The following TTC6 variants were observed in gnomAD, a reference collection of about 807,000 sequenced individuals.
TTC6 encodes tetratricopeptide repeat domain 6.
TTC6 carries 172 observed loss-of-function variants against 210.4 expected under a neutral mutation model. That is an observed-to-expected ratio of 0.82 (90% CI 0.72 to 0.93). The LOEUF (loss-of-function observed/expected upper bound fraction) is 0.93, where lower values mean the gene tolerates loss of function less well. Ranked by LOEUF, TTC6 falls within the 40% of genes least tolerant of loss-of-function variation. The pLI, the probability that TTC6 is intolerant of heterozygous loss-of-function variation, is 0.00. For missense variants in TTC6, 2,414 were observed against 2,318.1 expected (o/e 1.04, Z -0.85); for synonymous variants, 804 against 819.6 (o/e 0.98, Z 0.32).
At chr14:37,696,769 G>A (rs1039397205) in exon 4 of TTC6, 18 of 1,457,730 alleles carry the variant, frequency 1.2e-5, no homozygotes, top group South Asian at 2.9e-5. Context: ...AAGCGAATGC[G>A]GAAACGTAAA....
chr14:37,785,676 C>T lies in TTC6; in HGVS notation c.3267-1792C>T, dbSNP rs529798748. On this transcript the variant is annotated intron_variant, in intron 14 of 30. Coordinates refer to ENST00000553443, the Ensembl canonical transcript of TTC6. Reference sequence around the variant, plus strand: ...TTGTTCCGTTGCTGGCGAGGAGCTGCGTTCCTTTGGAGGAGAAGAGGTGCT... The same window carrying T: ...TTGTTCCGTTGCTGGCGAGGAGCTGTGTTCCTTTGGAGGAGAAGAGGTGCT... Among the ~76,000 whole-genome samples, 13 of 152,336 alleles carry T rather than the reference C, an allele frequency of 8.5e-5. 1 individual carries two copies. The South Asian group carries it at 1.4e-3, about 17-fold the overall frequency.
At chr14:37,714,305 T>G (rs908315035) in intron 5 of TTC6, among the ~76,000 whole-genome samples, 2 of 152,044 alleles carry the variant, frequency 1.3e-5, no homozygotes, top group Non-Finnish European at 2.9e-5. Context: ...AAATGAAACT[T>G]TGTGTGTATG....
chr14:37,778,727 A>G (rs2096045733), intron 14 of TTC6, among the ~76,000 whole-genome samples: 1 of 152,066 alleles, frequency 6.6e-6, no homozygotes, highest in African/African-American at 2.4e-5. Flanking sequence ...TGCAAGAGGT[A>G]TGACGTGGAC....
intron 14 of TTC6, among the ~76,000 whole-genome samples, chr14:37,762,882 CT>C (rs369694046): frequency 0.23 from 30,061 of 128,760 alleles, 1,932 homozygotes; most frequent in South Asian, 0.25. Context: ...CTTTTCTTTT[CT>C]TTTTTTTTTT....
At chr14:37,732,700 G>C (rs1595168477) in intron 7 of TTC6, among the ~76,000 whole-genome samples, 1 of 151,618 alleles carries the variant, frequency 6.6e-6, no homozygotes, top group Admixed American at 6.6e-5. Flanking sequence ...CTCACTGCAA[G>C]CTCCGCCTCC....
chr14:37,784,468 G>T (rs1003907037), intron 14 of TTC6, among the ~76,000 whole-genome samples: 1 of 151,910 alleles, frequency 6.6e-6, no homozygotes, highest in African/African-American at 2.4e-5. Context: ...TTTTCCATTT[G>T]CTTGGTAGAT....
intron 1 of TTC6, among the ~76,000 whole-genome samples, chr14:37,671,632 GT>G (rs1300383032): frequency 6.6e-6 from 1 of 152,118 alleles, no homozygotes; most frequent in Non-Finnish European, 1.5e-5. Flanking sequence ...CAAAAACAGT[GT>G]TTTTGAGATG....
chr14:37,823,465 T>C (rs373543051), intron 26 of TTC6, among the ~76,000 whole-genome samples: 1 of 152,218 alleles, frequency 6.6e-6, no homozygotes, highest in Admixed American at 6.5e-5. Flanking sequence ...ATGTGGACTT[T>C]AATAACTTGA....
At chr14:37,603,343 G>T (rs998753328) in intron 1 of TTC6, among the ~76,000 whole-genome samples, 11 of 152,164 alleles carry the variant, frequency 7.2e-5, no homozygotes, top group Non-Finnish European at 1.6e-4. Flanking sequence ...GTAGTGGCTG[G>T]CATGAGAGTC....
intron 10 of TTC6, among the ~76,000 whole-genome samples, chr14:37,747,594 A>G (rs755057539): frequency 1.3e-5 from 2 of 152,138 alleles, no homozygotes; most frequent in Non-Finnish European, 2.9e-5. Flanking sequence ...AGCCAGAGGA[A>G]TAAACACTTT....
chr14:37,670,992 C>T (rs1022058575), intron 1 of TTC6, among the ~76,000 whole-genome samples: 2 of 152,012 alleles, frequency 1.3e-5, no homozygotes, highest in South Asian at 4.1e-4. Flanking sequence ...AACAAATCAC[C>T]CCAAAATTTA....
intron 14 of TTC6, among the ~76,000 whole-genome samples, chr14:37,755,055 C>T (rs2095963387): frequency 6.6e-6 from 1 of 152,206 alleles, no homozygotes; most frequent in African/African-American, 2.4e-5. Context: ...TTCTCCACAC[C>T]CTTTCCAGCA....
Position 37,606,750 on chromosome 14 carries a change from G to A in TTC6, c.-155+8G>A, listed in dbSNP as rs73264942. On this transcript the variant is annotated splice_region_variant and intron_variant, in intron 2 of 2. Transcript: ENST00000556845. ...AGGATTCATGGAAGTGAGGTATGAT[G>A]TCTTCAGTTCTTTCCAGTTCATCCT... is the stretch of plus-strand genomic sequence containing the variant. 4.1e-5 allele frequency: 40 copies of A among 985,268 alleles called. No individual in the cohort carries two copies. The African/African-American group carries it at 6.8e-4, about 17-fold the overall frequency. 61.0% of individuals were successfully genotyped at this position (985,268 alleles called of 1,614,324 possible).
At chr14:37,816,305 A>G (rs2096141670) in intron 25 of TTC6, among the ~76,000 whole-genome samples, 1 of 152,116 alleles carries the variant, frequency 6.6e-6, no homozygotes, top group Admixed American at 6.6e-5. Flanking sequence ...CAGAAAATTT[A>G]TCCTACCCTT....
chr14:37,811,595 G>T (rs1189256709), intron 24 of TTC6, among the ~76,000 whole-genome samples: 1 of 152,120 alleles, frequency 6.6e-6, no homozygotes, highest in Non-Finnish European at 1.5e-5. Flanking sequence ...CCAAGTTTAG[G>T]ATGCTTCTAG....
chr14:37,787,586 T>G (rs752633097), exon 15 of TTC6: 22 of 1,521,996 alleles, frequency 1.4e-5, no homozygotes, highest in Non-Finnish European at 1.8e-5. Flanking sequence ...TCGAGGTTGC[T>G]TATTCAGAAA....
chr14:37,650,940 C>T (rs2095710074), intron 1 of TTC6, among the ~76,000 whole-genome samples: 2 of 152,122 alleles, frequency 1.3e-5, no homozygotes, highest in South Asian at 2.1e-4. Context: ...AACAAAACTC[C>T]AAACCTAATT....
intron 5 of TTC6, among the ~76,000 whole-genome samples, chr14:37,711,690 A>T (rs1312204640): frequency 1.3e-5 from 2 of 152,122 alleles, no homozygotes; most frequent in African/African-American, 4.8e-5. Flanking sequence ...TGGGTTGTAT[A>T]TACTGTGTGT....
chr14:37,809,578 G>A (rs576057622), intron 24 of TTC6, among the ~76,000 whole-genome samples: 1 of 152,230 alleles, frequency 6.6e-6, no homozygotes, highest in African/African-American at 2.4e-5. Context: ...TTTAATATTA[G>A]CTAGAGCAGT....
Sources: allele counts gnomAD v4.1 joint callset (sites outside exome capture counted in the v4.1 genomes callset), GRCh38; gene constraint gnomAD v4.1.1; transcripts MANE v1.5; gene names NCBI Gene and HGNC (gene_info 2026-07-23, HGNC 2026-07-21).